Variants in PRR15L observed in about 807,000 individuals in gnomAD.
PRR15L encodes the protein proline rich 15 like.
Under a neutral mutation model 3.7 loss-of-function variants are expected in PRR15L, and 1 was observed. That is an observed-to-expected ratio of 0.27 (90% CI 0.09 to 1.27). The LOEUF (loss-of-function observed/expected upper bound fraction) is 1.27. Ranked by LOEUF, PRR15L falls within the 50% of genes most tolerant of loss-of-function variation. PRR15L has a pLI of 0.47. For missense variants in PRR15L, 127 were observed against 128.7 expected (o/e 0.99, Z 0.06); for synonymous variants, 57 against 51.9 (o/e 1.10, Z -0.42).
chr17:47,957,486 T>G (rs1266866922), intron 1 of PRR15L, among the ~76,000 whole-genome samples, 171 bp downstream of exon 1: 2 of 152,232 alleles, frequency 1.3e-5, no homozygotes, highest in African/African-American at 4.8e-5. Context: ...GGAGCTCTGT[T>G]GGAGGCCTGG....
Position 47,952,705 on chromosome 17 carries a change from T to C in PRR15L, c.*218A>G. ...TCACTCTTGAACTAGAGTGCCTTTG[T>C]ATGTGGTCAGGGGGAGGGTGGAGGA... On this transcript the variant is annotated 3_prime_UTR_variant, in exon 2 of 2. Transcript: ENST00000300557. 1 of 492,628 alleles carries C rather than the reference T, an allele frequency of 2.0e-6. No individual in the cohort carries two copies. Among genetic ancestry groups the C allele is most frequent in the Admixed American group, 3.3e-5 (1 of 29,878 alleles). 30.5% of individuals were successfully genotyped at this position (492,628 alleles called of 1,614,324 possible). A position where few individuals can be genotyped will look rare whatever the true frequency, so the allele number is the denominator to read the frequency against.
intron 1 of PRR15L, among the ~76,000 whole-genome samples, chr17:47,955,714 G>A (rs533283508): frequency 6.6e-6 from 1 of 152,286 alleles, no homozygotes; most frequent in Non-Finnish European, 1.5e-5. Flanking sequence ...GCCTTGTACA[G>A]AACTTAGTGT....
chr17:47,953,436 A>G (rs542497441), intron 1 of PRR15L, among the ~76,000 whole-genome samples, 173 bp from the exon 2 acceptor site: 1 of 152,264 alleles, frequency 6.6e-6, no homozygotes, highest in East Asian at 1.9e-4. Flanking sequence ...AGGCAGGTGG[A>G]TCACCTAAGG....
At chr17:47,953,656 C>CA (rs35835097) in intron 1 of PRR15L, among the ~76,000 whole-genome samples, 35,381 of 129,850 alleles carry the variant, frequency 0.27, 4,748 homozygotes, top group East Asian at 0.4. Context: ...GAGACTATCT[C>CA]AAAAAAAAAA....
intron 1 of PRR15L, among the ~76,000 whole-genome samples, chr17:47,956,679 C>A (rs1046327153): frequency 3.9e-5 from 6 of 152,166 alleles, no homozygotes; most frequent in Admixed American, 2.6e-4. Flanking sequence ...TGTAAATAGT[C>A]ATCATAAAAG....
intron 1 of PRR15L, among the ~76,000 whole-genome samples, chr17:47,954,698 G>C (rs2036109024): frequency 1.3e-5 from 2 of 152,166 alleles, no homozygotes; most frequent in South Asian, 2.1e-4. Context: ...ATGACAGTCT[G>C]CTAGATGAAG....
intron 1 of PRR15L, among the ~76,000 whole-genome samples, chr17:47,954,036 G>T (rs2036101680): frequency 6.6e-6 from 1 of 152,218 alleles, no homozygotes. Context: ...GGTAGCATAG[G>T]GAGGGAAACA....
rs1035191925 is a variant in PRR15L at position 47,952,788 on chromosome 17, C to T, written c.*135G>A. On this transcript the variant is annotated 3_prime_UTR_variant, in exon 2 of 2. Coordinates refer to ENST00000300557, the MANE Select transcript of PRR15L (RefSeq NM_024320.4). ...GGCACATAAATACAAACCTAAAAAA[C>T]AGCCATTTCCTGCCAGCAGGTATCA... 3.4e-6 allele frequency: 3 copies of T among 877,924 alleles called. No homozygotes were observed. Among genetic ancestry groups the T allele is most frequent in the Middle Eastern group, 3.6e-4 (1 of 2,814 alleles). The allele number at this position is 877,924 out of a possible 1,614,324, so 54.4% of individuals were successfully genotyped here.
At chr17:47,957,136 G>T (rs1831830703) in intron 1 of PRR15L, among the ~76,000 whole-genome samples, 1 of 152,250 alleles carries the variant, frequency 6.6e-6, no homozygotes, top group South Asian at 2.1e-4. Context: ...CTCCATACCA[G>T]CTGGGTTCTG....
chr17:47,956,725 A>G (rs2597169), intron 1 of PRR15L, among the ~76,000 whole-genome samples: 54,658 of 152,184 alleles, frequency 0.36, 9,887 homozygotes, highest in East Asian at 0.54. Flanking sequence ...AAAACAAGCA[A>G]ACAAAAAAGG....
chr17:47,955,987 G>A (rs578171264), intron 1 of PRR15L, among the ~76,000 whole-genome samples: 1 of 152,342 alleles, frequency 6.6e-6, no homozygotes, highest in South Asian at 2.1e-4. Context: ...GTTTTAACAG[G>A]TATTTCAAGT....
At chr17:47,956,887 A>T (rs1428743868) in intron 1 of PRR15L, among the ~76,000 whole-genome samples, 1 of 152,234 alleles carries the variant, frequency 6.6e-6, no homozygotes, top group Admixed American at 6.5e-5. Flanking sequence ...ATTTAGTGAC[A>T]CATGGTGGGC....
intron 1 of PRR15L, 85 bp from the exon 2 acceptor site, chr17:47,953,348 T>C: frequency 1.3e-6 from 1 of 793,134 alleles, no homozygotes; most frequent in Non-Finnish European, 2.0e-6. Flanking sequence ...AGACTCCTAA[T>C]CATGGGCTGT....
In PRR15L at chr17:47,952,426, TCTCTGC is replaced by T. The variant is rs1183168065; in HGVS notation, c.*491_*496del. ...TTAGGAGGTGAGCTCAAGTTCAGTG[TCTCTGC>T]CTCTGGCTCCACAGAAACCAGCCCC... On this transcript the variant is annotated 3_prime_UTR_variant, in exon 2 of 2. Coordinates refer to ENST00000300557, the MANE Select transcript of PRR15L (RefSeq NM_024320.4). 6.5e-6 allele frequency: 1 copy of T among 153,754 alleles called. No individual in the cohort carries two copies. The highest frequency in any genetic ancestry group is 1.4e-5 in the Non-Finnish European group (1 of 68,986). The allele number at this position is 153,754 out of a possible 1,614,324, so 9.5% of individuals were successfully genotyped here.
intron 1 of PRR15L, 113 bp downstream of exon 1, chr17:47,957,544 T>G (rs905364928): frequency 6.6e-6 from 1 of 152,290 alleles, no homozygotes; most frequent in East Asian, 1.9e-4. Flanking sequence ...GAGACCAGGT[T>G]AGAGGCCTGG....
At position 47,953,089 on chromosome 17, in the gene PRR15L, C is replaced by T. The variant is rs774458737; in HGVS notation, c.146G>A (p.Ser49Asn). ...PPRPDAGGPN[S>N]DFNTRLEKIV... ...CTTCTCCAGGCGGGTGTTAAAGTCG[C>T]TGTTGGGGCCTCCAGCGTCAGGCCT... Residue 49 changes from serine (S) to asparagine (N), a missense_variant, in exon 2 of 2, where the codon AGC (serine) becomes AAC (asparagine). Ser to Asn is a conservative substitution (Grantham distance 46, BLOSUM62 1). Coordinates refer to ENST00000300557, the MANE Select transcript of PRR15L (RefSeq NM_024320.4). 7 of 1,614,166 alleles carry T rather than the reference C, an allele frequency of 4.3e-6. No homozygotes were observed. The South Asian group carries it at 7.7e-5, about 18-fold the overall frequency.
At chr17:47,955,323 G>A (rs2036116497) in intron 1 of PRR15L, among the ~76,000 whole-genome samples, 1 of 152,112 alleles carries the variant, frequency 6.6e-6, no homozygotes. Flanking sequence ...GATTATTTTA[G>A]GGGTGGGGGA....
At chr17:47,956,039 C>A (rs1164422892) in intron 1 of PRR15L, among the ~76,000 whole-genome samples, 2 of 152,234 alleles carry the variant, frequency 1.3e-5, no homozygotes, top group East Asian at 3.8e-4. Flanking sequence ...TAAAGGGAGC[C>A]ACAGATCACG....
chr17:47,952,642 T>TC lies in PRR15L; in HGVS notation c.*280_*281insG. 1 of 333,950 alleles carries TC rather than the reference T, an allele frequency of 3.0e-6. No individual in the cohort carries two copies. Among genetic ancestry groups the TC allele is most frequent in the Non-Finnish European group, 5.5e-6 (1 of 181,080 alleles). The allele number at this position is 333,950 out of a possible 1,614,324, so 20.7% of individuals were successfully genotyped here. A position where few individuals can be genotyped will look rare whatever the true frequency, so the allele number is the denominator to read the frequency against. On this transcript the variant is annotated 3_prime_UTR_variant, in exon 2 of 2. Coordinates refer to ENST00000300557, the MANE Select transcript of PRR15L (RefSeq NM_024320.4). Reference sequence around the variant, plus strand: ...GCCCACCTCCCTGCTGGCCCTGCCATTGCTTCAAGGAGGGCTGTTCCTCCT... The same window carrying TC: ...GCCCACCTCCCTGCTGGCCCTGCCATCTGCTTCAAGGAGGGCTGTTCCTCCT...
Sources: gnomAD v4.1 joint callset for allele counts (sites outside exome capture counted in the v4.1 genomes callset) on GRCh38, gnomAD v4.1.1 for gene constraint, MANE v1.5 for transcripts, NCBI Gene and HGNC (gene_info 2026-07-23, HGNC 2026-07-21) for gene names.